Variants in SLIT1 observed in about 807,000 individuals in gnomAD.
The protein encoded by SLIT1 is slit homolog 1 protein.
Under a neutral mutation model 186.1 loss-of-function variants are expected in SLIT1, and 66 were observed. The observed-to-expected ratio is 0.35, with a 90% confidence interval of 0.29 to 0.44. The LOEUF is 0.44. Among genes scored for constraint, SLIT1 ranks in the 20% least tolerant of loss-of-function variants. SLIT1 has a pLI of 1.00. For synonymous variants in SLIT1, 761 were observed against 833.8 expected, an observed-to-expected ratio of 0.91 and a Z score of 1.50; for missense variants, 1,638 against 2,037.4, an observed-to-expected ratio of 0.80 and a Z score of 3.77.
chr10:97,075,887 C>T lies in SLIT1; in HGVS notation c.414-9801G>A, dbSNP rs115462429. ...GCCAAAGCAAACCAGATTATAACCT[C>T]TGTACTGGTTAGCATTTCAAAGCAA... On this transcript the variant is annotated intron_variant, in intron 4 of 36. Transcript: ENST00000266058. Among the ~76,000 whole-genome samples, 1,234 of 152,298 alleles carry T rather than the reference C, an allele frequency of 8.1e-3. 18 individuals are homozygous for T. The highest frequency in any genetic ancestry group is 0.026 in the African/African-American group (1,086 of 41,564).
rs753595782 is a variant in SLIT1 at position 97,068,861 on chromosome 10, G to A, written c.414-2775C>T. Among the ~76,000 whole-genome samples, 26 of 152,098 alleles carry A rather than the reference G, an allele frequency of 1.7e-4. No individual in the cohort carries two copies. Among genetic ancestry groups the A allele is most frequent in the Admixed American group, 3.3e-4 (5 of 15,268 alleles). ...GAGGGCCCCCAGTGGCCTACTCCCC[G>A]ATGCCTGTCTTTATGCAGCAACTCC... On this transcript the variant is annotated intron_variant, in intron 4 of 36. Transcript: ENST00000266058. This position sits in a 1 kb window ranked among gnomAD's most constrained non-coding sequence, Gnocchi z 4.2.
At chr10:97,060,352 A>G (rs7924206) in intron 9 of SLIT1, among the ~76,000 whole-genome samples, 194 bp from the exon 10 acceptor site, 30,276 of 152,190 alleles carry the variant, frequency 0.2, 3,712 homozygotes, top group African/African-American at 0.34. Context: ...CTCCATTATC[A>G]CAGGCATTTG....
rs1848434639 is a variant in SLIT1 at position 97,014,172 on chromosome 10, G to C, written c.2970-14C>G. Reference sequence around the variant, plus strand: ...GGACAGGAGCACCTGTGCGGGGAAGGGGAGGATGGAGAGACAGCCCTCTTG... The same window carrying C: ...GGACAGGAGCACCTGTGCGGGGAAGCGGAGGATGGAGAGACAGCCCTCTTG... On this transcript the variant is annotated splice_polypyrimidine_tract_variant and intron_variant, in intron 28 of 36. Coordinates refer to ENST00000266058, the MANE Select transcript of SLIT1 (RefSeq NM_003061.3). 1.2e-6 allele frequency: 2 copies of C among 1,612,566 alleles called. No homozygotes were observed. Among genetic ancestry groups the C allele is most frequent in the Non-Finnish European group, 1.7e-6 (2 of 1,179,978 alleles).
At position 97,006,656 on chromosome 10, in the gene SLIT1, A is replaced by T; in HGVS notation, c.3406T>A (p.Cys1136Ser). 2.5e-6 allele frequency: 4 copies of T among 1,614,152 alleles called. No homozygotes were observed. The highest frequency in any genetic ancestry group is 3.4e-6 in the Non-Finnish European group (4 of 1,180,008). The change falls in exon 32 of 37, where the codon TGC becomes AGC. Residue 1136 changes from cysteine to serine, a missense_variant. Coordinates refer to ENST00000266058, the MANE Select transcript of SLIT1 (RefSeq NM_003061.3). The surrounding 1 kb of genome is among the most constrained non-coding windows in gnomAD (Gnocchi z 4.0). ...TCCACACAGTTGGCCCCATTCTGGCACTCAGTCCCCTCACAGGGGCTCTTG... is the reference window on the plus strand; with the variant it reads ...TCCACACAGTTGGCCCCATTCTGGCTCTCAGTCCCCTCACAGGGGCTCTTG... ...APKSPCEGTE[C>S]QNGANCVDQG...
chr10:97,029,257 A>G (rs188731974), intron 25 of SLIT1, among the ~76,000 whole-genome samples: 46 of 152,308 alleles, frequency 3.0e-4, no homozygotes, highest in African/African-American at 1.1e-3. Flanking sequence ...ACCATATTAA[A>G]TATACACTCT....
At chr10:97,159,921 T>C (rs1850004482) in intron 3 of SLIT1, among the ~76,000 whole-genome samples, 1 of 152,180 alleles carries the variant, frequency 6.6e-6, no homozygotes, top group Admixed American at 6.5e-5. Flanking sequence ...GTTTGCTGAC[T>C]TTGTTGAGTT....
chr10:97,115,520 G>A (rs965717813), intron 4 of SLIT1, among the ~76,000 whole-genome samples: 23 of 152,128 alleles, frequency 1.5e-4, no homozygotes, highest in Non-Finnish European at 2.9e-5. Context: ...TGAGAAGCCT[G>A]GAGCCAGGCA....
In SLIT1 at chr10:97,034,365, G is replaced by T. The variant is rs113322026; in HGVS notation, c.2438+106C>A. ...CCCGGCACCCTCTCCAGAGGGCAAG[G>T]CGTCTGCAGGCGAGGGATCTGGGAG... On this transcript the variant is annotated intron_variant, in intron 23 of 36. Transcript: ENST00000266058. 5,470 of 812,020 alleles carry T rather than the reference G, an allele frequency of 6.7e-3. 158 individuals are homozygous for T. Among genetic ancestry groups the T allele is most frequent in the African/African-American group, 0.067 (3,991 of 59,738 alleles). The allele number at this position is 812,020 out of a possible 1,614,324, so 50.3% of individuals were successfully genotyped here.
In SLIT1 at chr10:97,014,052, T is replaced by C. The variant is rs748507809; in HGVS notation, c.3076A>G (p.Asn1026Asp). 1.2e-6 allele frequency: 2 copies of C among 1,613,670 alleles called. No individual in the cohort carries two copies. The highest frequency in any genetic ancestry group is 4.5e-5 in the East Asian group (2 of 44,878). ...TGCAGGGGGCACTGGCAGGTGTAGT[T>C]GCCCACACCATCCACACAGACGCCC... ...NGGVCVDGVG[N>D]YTCQCPLQYE... Residue 1026 changes from asparagine to aspartate, a missense_variant, in exon 29 of 37, where the codon AAC becomes GAC. Transcript: ENST00000266058.
intron 20 of SLIT1, among the ~76,000 whole-genome samples, chr10:97,041,405 T>C (rs1223964577): frequency 7.1e-6 from 1 of 141,224 alleles, no homozygotes; most frequent in Non-Finnish European, 1.5e-5. Flanking sequence ...GAAAGCCACA[T>C]AGCAAATGTC....
intron 4 of SLIT1, among the ~76,000 whole-genome samples, chr10:97,108,457 G>A (rs981066711): frequency 3.3e-5 from 5 of 152,136 alleles, no homozygotes; most frequent in South Asian, 4.1e-4. Context: ...CCACCAAATC[G>A]AGAGTTCCAG....
intron 13 of SLIT1, among the ~76,000 whole-genome samples, chr10:97,053,114 G>A (rs1848806084): frequency 6.6e-6 from 1 of 152,150 alleles, no homozygotes; most frequent in South Asian, 2.1e-4. Flanking sequence ...GTAAAATCAG[G>A]ATGATAAAGC....
chr10:97,085,443 A>G (rs990330882), intron 4 of SLIT1, among the ~76,000 whole-genome samples: 3 of 151,650 alleles, frequency 2.0e-5, no homozygotes, highest in African/African-American at 4.9e-5. Context: ...GCTGGAGGAC[A>G]GTGGCACAAT....
intron 4 of SLIT1, among the ~76,000 whole-genome samples, chr10:97,069,542 G>C (rs1848983512): frequency 1.3e-5 from 2 of 152,216 alleles, no homozygotes; most frequent in Admixed American, 1.3e-4. Flanking sequence ...CAAAGAGATG[G>C]GAGAGTGCAG....
intron 4 of SLIT1, among the ~76,000 whole-genome samples, chr10:97,072,104 G>A (rs185373354): frequency 4.6e-5 from 7 of 152,272 alleles, no homozygotes; most frequent in Admixed American, 3.9e-4. Context: ...CACACAGGCC[G>A]GGGAGAGTGA....
intron 1 of SLIT1, among the ~76,000 whole-genome samples, chr10:97,173,559 C>A (rs1850218687): frequency 6.9e-6 from 1 of 145,286 alleles, no homozygotes; most frequent in African/African-American, 2.6e-5. Flanking sequence ...AGTGCAGGGG[C>A]ATGATCACAG....
intron 27 of SLIT1, 73 bp from the exon 28 acceptor site, chr10:97,018,756 C>T (rs1294337560): frequency 8.9e-6 from 8 of 899,408 alleles, no homozygotes; most frequent in Non-Finnish European, 1.2e-5. Flanking sequence ...CAGCCAGACC[C>T]TCAGCAGCTC....
chr10:97,002,453 A>ACCC, intron 35 of SLIT1, 84 bp from the exon 36 acceptor site: 1 of 749,874 alleles, frequency 1.3e-6, no homozygotes, highest in South Asian at 1.9e-5. Flanking sequence ...GACACAGCCC[A>ACCC]CCCCACCCAG....
At position 97,068,543 on chromosome 10, in the gene SLIT1, C is replaced by T. The variant is rs1848972572; in HGVS notation, c.414-2457G>A. ...GTTCTTGCTCTCTATTGCTCTCTCT[C>T]TCCTGGATGTAGGCCCCATCTCCTG... is the stretch of plus-strand genomic sequence containing the variant. On this transcript the variant is annotated intron_variant, in intron 4 of 36. Coordinates refer to ENST00000266058, the MANE Select transcript of SLIT1 (RefSeq NM_003061.3). This position sits in a 1 kb window ranked among gnomAD's most constrained non-coding sequence, Gnocchi z 4.2. Among the ~76,000 whole-genome samples, 1 of 152,088 alleles carries T rather than the reference C, an allele frequency of 6.6e-6. No individual in the cohort carries two copies. The highest frequency in any genetic ancestry group is 2.4e-5 in the African/African-American group (1 of 41,402).
Sources: gnomAD v4.1 joint callset for allele counts (sites outside exome capture counted in the v4.1 genomes callset) on GRCh38, gnomAD v4.1.1 for gene constraint, Gnocchi (gnomAD v3.1) non-coding constraint, MANE v1.5 for transcripts, NCBI Gene and HGNC (gene_info 2026-07-23, HGNC 2026-07-21) for gene names.